LNPEP: variants seen among roughly 807,000 people sequenced by gnomAD.
LNPEP encodes leucyl-cystinyl aminopeptidase.
A neutral mutation model predicts 120.6 loss-of-function variants in LNPEP; 64 were observed. That is an observed-to-expected ratio of 0.53 (90% CI 0.43 to 0.65). The LOEUF (loss-of-function observed/expected upper bound fraction) is 0.65, where lower values mean the gene tolerates loss of function less well. LNPEP is among the 30% of genes least tolerant of loss of function. The pLI is 0.00. For missense variants in LNPEP, 1,057 were observed against 1,200.0 expected, an observed-to-expected ratio of 0.88 and a Z score of 1.76; for synonymous variants, 435 against 425.4, an observed-to-expected ratio of 1.02 and a Z score of -0.28.
At position 96,997,707 on chromosome 5, in the gene LNPEP, A is replaced by G. The variant is rs115713555; in HGVS notation, c.1522-307A>G. 4.7e-3 allele frequency among the ~76,000 whole-genome samples: 709 copies of G among 152,228 alleles called. 8 individuals are homozygous for G. Among genetic ancestry groups the G allele is most frequent in the African/African-American group, 0.016 (660 of 41,568 alleles). On this transcript the variant is annotated intron_variant, in intron 7 of 17. Coordinates refer to ENST00000231368, the MANE Select transcript of LNPEP (RefSeq NM_005575.3). ...ATATGCTAACCTTTTTAGAATATTC[A>G]TCTTGGATACTCAGAGTTGGCATTT... is the stretch of plus-strand genomic sequence containing the variant.
In LNPEP at chr5:97,036,694, G is replaced by C. The variant is rs1791578583; in HGVS notation, c.*8161G>C. 1 of 151,876 alleles carries C rather than the reference G, an allele frequency of 6.6e-6. No individual in the cohort carries two copies. The highest frequency in any genetic ancestry group is 1.5e-5 in the Non-Finnish European group (1 of 67,974). 9.4% of individuals were successfully genotyped at this position (151,876 alleles called of 1,614,324 possible). The stretch of plus-strand genomic sequence containing the variant: ...TGAAGATTTGCCATATTACTATTTT[G>C]GAAACATTGAGTGATAGAACTCCTA... On this transcript the variant is annotated 3_prime_UTR_variant, in exon 18 of 18. Coordinates refer to ENST00000231368, the MANE Select transcript of LNPEP (RefSeq NM_005575.3).
chr5:96,989,057 A>C (rs1043110207), intron 4 of LNPEP, among the ~76,000 whole-genome samples: 6 of 151,852 alleles, frequency 4.0e-5, no homozygotes, highest in Non-Finnish European at 8.8e-5. Flanking sequence ...AGGAAGAGAT[A>C]GAGAAGTTTT....
At chr5:97,018,910 T>G (rs1350876326) in intron 13 of LNPEP, among the ~76,000 whole-genome samples, 2 of 152,232 alleles carry the variant, frequency 1.3e-5, no homozygotes, top group African/African-American at 4.8e-5. Flanking sequence ...TCACATCTGA[T>G]GTTAACATCT....
intron 1 of LNPEP, chr5:96,937,258 A>G (rs746479485): frequency 6.6e-6 from 1 of 152,320 alleles, no homozygotes; most frequent in East Asian, 1.9e-4. Context: ...CTTTATCCCA[A>G]ATCCCAGCCA....
chr5:96,981,801 T>A (rs1196384063), intron 2 of LNPEP, among the ~76,000 whole-genome samples: 1 of 152,190 alleles, frequency 6.6e-6, no homozygotes, highest in Non-Finnish European at 1.5e-5. Context: ...CAAAGTTGTT[T>A]ATGATAGGCT....
At chr5:96,980,067 T>C in intron 2 of LNPEP, 89 bp downstream of exon 2, 1 of 1,295,682 alleles carries the variant, frequency 7.7e-7, no homozygotes, top group Non-Finnish European at 1.1e-6. Context: ...ACACGAATTG[T>C]GATTTTTTTT....
intron 1 of LNPEP, among the ~76,000 whole-genome samples, chr5:96,967,693 A>G (rs1432702242): frequency 2.0e-5 from 3 of 152,058 alleles, no homozygotes; most frequent in Non-Finnish European, 2.9e-5. Context: ...TATGAATTTT[A>G]TCTTATTCCA....
rs182941663 is a variant in LNPEP, at chr5:96,968,387, A to T, written c.20-10751A>T. ...CAGGATTACTTTTAGAATGATTATT[A>T]GATAGTGTCGTTTACTATAAATCAA... On this transcript the variant is annotated intron_variant, in intron 1 of 17. Coordinates refer to ENST00000231368, the MANE Select transcript of LNPEP (RefSeq NM_005575.3). 8.5e-5 allele frequency among the ~76,000 whole-genome samples: 13 copies of T among 152,232 alleles called. 1 individual carries two copies. The highest frequency in any genetic ancestry group is 2.4e-4 in the African/African-American group (10 of 41,570).
intron 13 of LNPEP, among the ~76,000 whole-genome samples, chr5:97,018,808 T>C (rs2112663705): frequency 6.6e-6 from 1 of 152,326 alleles, no homozygotes; most frequent in Non-Finnish European, 1.5e-5. Flanking sequence ...CATTTTGTTA[T>C]GTAGGCTGCA....
At chr5:96,963,521 G>A (rs1024994548) in intron 1 of LNPEP, among the ~76,000 whole-genome samples, 3 of 152,166 alleles carry the variant, frequency 2.0e-5, no homozygotes, top group South Asian at 2.1e-4. Flanking sequence ...GTGGTTCCTC[G>A]TCCCCAGGGA....
intron 6 of LNPEP, 36 bp downstream of exon 6, chr5:96,994,007 T>C (rs1274129810): frequency 3.1e-6 from 5 of 1,589,720 alleles, no homozygotes. Context: ...GTCACACCTG[T>C]GGTCTACTTC....
intron 2 of LNPEP, among the ~76,000 whole-genome samples, chr5:96,984,448 C>T (rs1172914823): frequency 2.6e-5 from 4 of 152,122 alleles, no homozygotes; most frequent in South Asian, 4.1e-4. Context: ...TGCTAAATCA[C>T]GGAGGTTTGG....
intron 6 of LNPEP, among the ~76,000 whole-genome samples, chr5:96,994,499 G>T (rs1790462128): frequency 6.6e-6 from 1 of 151,812 alleles, no homozygotes; most frequent in Non-Finnish European, 1.5e-5. Flanking sequence ...GCCGGAATGG[G>T]GTTCTCTGTT....
intron 1 of LNPEP, among the ~76,000 whole-genome samples, chr5:96,961,691 A>G (rs866946905): frequency 1.3e-5 from 2 of 152,164 alleles, no homozygotes; most frequent in Admixed American, 6.5e-5. Flanking sequence ...GTATATTTGC[A>G]TATAACCAGT....
At position 96,953,286 on chromosome 5, in the gene LNPEP, A is replaced by C. The variant is rs148805287; in HGVS notation, c.19+17112A>C. 1.3e-3 allele frequency among the ~76,000 whole-genome samples: 203 copies of C among 152,264 alleles called. 1 individual carries two copies. The highest frequency in any genetic ancestry group is 4.7e-3 in the African/African-American group (197 of 41,546). ...TTATGAAAGAGAGCTTGACCCTCGC[A>C]TTCCTGATTAGCATTTTGTTAGTGT... is the stretch of plus-strand genomic sequence containing the variant. On this transcript the variant is annotated intron_variant, in intron 1 of 17. Transcript: ENST00000231368.
At chr5:97,007,747 T>G (rs1384542561) in intron 11 of LNPEP, among the ~76,000 whole-genome samples, 1 of 152,208 alleles carries the variant, frequency 6.6e-6, no homozygotes, top group East Asian at 1.9e-4. Flanking sequence ...GATTCACCAT[T>G]TGTTGTTATA....
chr5:96,958,349 G>T, intron 1 of LNPEP: 1 of 386,390 alleles, frequency 2.6e-6, no homozygotes, highest in Non-Finnish European at 3.5e-6. Context: ...GATTTCAGCT[G>T]ATCTTCTCAG....
intron 13 of LNPEP, among the ~76,000 whole-genome samples, chr5:97,015,845 G>A (rs1182864880): frequency 6.6e-6 from 1 of 152,052 alleles, no homozygotes; most frequent in Non-Finnish European, 1.5e-5. Context: ...GTCTTTTGGG[G>A]TTTTGGTATT....
intron 13 of LNPEP, among the ~76,000 whole-genome samples, chr5:97,018,417 G>A (rs1274147456): frequency 6.6e-6 from 1 of 152,052 alleles, no homozygotes; most frequent in Non-Finnish European, 1.5e-5. Flanking sequence ...GGGCAGATAT[G>A]TGTTTATTAG....
Sources: allele counts gnomAD v4.1 joint callset (sites outside exome capture counted in the v4.1 genomes callset), GRCh38; gene constraint gnomAD v4.1.1; transcripts MANE v1.5; gene names NCBI Gene and HGNC (gene_info 2026-07-23, HGNC 2026-07-21).